Variants in DYNC2H1 observed in about 807,000 individuals in gnomAD.
DYNC2H1 encodes cytoplasmic dynein 2 heavy chain 1.
DYNC2H1 carries 410 observed loss-of-function variants against 570.0 expected under a neutral mutation model. The observed-to-expected ratio is 0.72, with a 90% CI of 0.66 to 0.78. The LOEUF is 0.78. Ranked by LOEUF, DYNC2H1 falls within the 30% of genes least tolerant of loss-of-function variation. The probability of loss-of-function intolerance (pLI) is 0.00; values close to 1 mark genes in which losing one functional copy is unlikely to be tolerated. For missense variants in DYNC2H1, 4,865 were observed against 5,046.4 expected, an observed-to-expected ratio of 0.96 and a Z score of 1.09; for synonymous variants, 1,688 against 1,677.6, an observed-to-expected ratio of 1.01 and a Z score of -0.15.
At chr11:103,390,907 T>A (rs1370582357) in intron 83 of DYNC2H1, among the ~76,000 whole-genome samples, 1 of 152,194 alleles carries the variant, frequency 6.6e-6, no homozygotes, top group African/African-American at 2.4e-5. Context: ...TAACCCGACC[T>A]TTCTCTCTGG....
At chr11:103,210,779 G>T (rs1485731959) in intron 53 of DYNC2H1, among the ~76,000 whole-genome samples, 4 of 151,940 alleles carry the variant, frequency 2.6e-5, no homozygotes, top group African/African-American at 4.8e-5. Context: ...TAGCCTAAAG[G>T]GCTGAAACAT....
At position 103,436,001 on chromosome 11, in the gene DYNC2H1, G is replaced by C; in HGVS notation, c.12425G>C (p.Arg4142Thr). 1 of 1,612,590 alleles carries C rather than the reference G, an allele frequency of 6.2e-7. No homozygotes were observed. Among genetic ancestry groups the C allele is most frequent in the East Asian group, 2.2e-5 (1 of 44,858 alleles). The change falls in exon 85 of 89, where the codon AGA becomes ACA. Residue 4142 changes from arginine (R) to threonine (T), a missense_variant. By Grantham distance (71) the Arg-to-Thr change is moderately conservative (BLOSUM62 -1). Coordinates refer to ENST00000375735, the MANE Select transcript of DYNC2H1 (RefSeq NM_001377.3). Reference protein sequence around the residue: ...EGPEDPLQYLRGLVARALAIQ... With the variant: ...EGPEDPLQYLTGLVARALAIQ... The stretch of plus-strand genomic sequence containing the variant: ...CCAGAAGATCCCTTACAATACCTGA[G>C]AGGTCTTGTTGCCCGTGCCCTTGCA...
intron 50 of DYNC2H1, among the ~76,000 whole-genome samples, chr11:103,202,857 C>T (rs1216750323): frequency 6.6e-6 from 1 of 152,114 alleles, no homozygotes. Flanking sequence ...ACAAGATGTG[C>T]TCCAGGCCCT....
chr11:103,172,129 A>G (rs191394856), intron 34 of DYNC2H1, among the ~76,000 whole-genome samples: 1 of 152,334 alleles, frequency 6.6e-6, no homozygotes, highest in Admixed American at 6.5e-5. Flanking sequence ...CTAAATTGTT[A>G]ACATGTTGTT....
chr11:103,336,119 A>T (rs1285648132), intron 82 of DYNC2H1, among the ~76,000 whole-genome samples: 1 of 152,182 alleles, frequency 6.6e-6, no homozygotes, highest in Non-Finnish European at 1.5e-5. Flanking sequence ...TGCTAGGCAA[A>T]AGTAATTGGC....
rs1938420745 is a variant in DYNC2H1, at chr11:103,325,400, G to T, written c.12039+1410G>T. On this transcript the variant is annotated intron_variant, in intron 82 of 88. Transcript: ENST00000375735. This position sits in a 1 kb window ranked among gnomAD's most constrained non-coding sequence, Gnocchi z 4.8. ...TTGATTTTTGTATATGGTGGAAGGA[G>T]TGGGTCTAGTTTCCATCTTCTTCAC... Among the ~76,000 whole-genome samples the T allele has an allele frequency of 1.3e-5, 2 of 152,162 alleles. No homozygotes were observed.
intron 82 of DYNC2H1, among the ~76,000 whole-genome samples, chr11:103,349,894 G>A (rs1230285580): frequency 1.3e-5 from 2 of 152,018 alleles, no homozygotes; most frequent in African/African-American, 2.4e-5. Flanking sequence ...TGTGTGACTG[G>A]CATAAATATA....
chr11:103,352,463 A>G (rs2135512498), intron 82 of DYNC2H1, among the ~76,000 whole-genome samples: 1 of 152,326 alleles, frequency 6.6e-6, no homozygotes, highest in East Asian at 1.9e-4. Flanking sequence ...AATTTTTATT[A>G]AAATTACTTA....
At position 103,135,517 on chromosome 11, in the gene DYNC2H1, A is replaced by G. The variant is rs1859489798; in HGVS notation, c.2228A>G (p.His743Arg). 1.9e-6 allele frequency: 3 copies of G among 1,577,032 alleles called. No individual in the cohort carries two copies. Among genetic ancestry groups the G allele is most frequent in the Non-Finnish European group, 2.6e-6 (3 of 1,163,396 alleles). ...TAGGGATTCCAAGCAAGTGACATGC[A>G]TGCATGGAAACAACACTGGAATCAT... ...EAQGFQASDM[H>R]AWKQHWNHQL... is the part of the protein sequence containing the mutation. The change falls in exon 16 of 89, where the codon CAT becomes CGT. Residue 743 changes from histidine to arginine, a missense_variant. Physicochemically the swap from His to Arg is conservative, Grantham distance 29. Transcript: ENST00000375735.
At chr11:103,475,346 T>C (rs1945518063) in intron 88 of DYNC2H1, among the ~76,000 whole-genome samples, 1 of 152,180 alleles carries the variant, frequency 6.6e-6, no homozygotes, top group South Asian at 2.1e-4. Flanking sequence ...TTAATAAAAT[T>C]TTAGTTTCAT....
At chr11:103,423,058 A>G (rs1411213374) in intron 84 of DYNC2H1, among the ~76,000 whole-genome samples, 4 of 80,768 alleles carry the variant, frequency 5.0e-5, no homozygotes, top group Admixed American at 1.2e-4. Context: ...AGACCGTTTT[A>G]TGAAAACGAG....
At chr11:103,414,824 A>G (rs1195091738) in intron 84 of DYNC2H1, among the ~76,000 whole-genome samples, 2 of 152,212 alleles carry the variant, frequency 1.3e-5, no homozygotes, top group African/African-American at 4.8e-5. Flanking sequence ...ACAACTTTCA[A>G]GAATGTGAAG....
intron 21 of DYNC2H1, among the ~76,000 whole-genome samples, chr11:103,152,579 T>C (rs1437114846): frequency 6.6e-6 from 1 of 152,194 alleles, no homozygotes; most frequent in African/African-American, 2.4e-5. Flanking sequence ...CTGAAACTCA[T>C]GTTTTCTTTA....
At position 103,287,558 on chromosome 11, in the gene DYNC2H1, C is replaced by T. The variant is rs1297881996; in HGVS notation, c.11048C>T (p.Pro3683Leu). 5.6e-6 allele frequency: 9 copies of T among 1,610,848 alleles called. No homozygotes were observed. The highest frequency in any genetic ancestry group is 2.2e-5 in the East Asian group (1 of 44,752). ...QQILVVQALR[P>L]DRLQSAMALF... ...ATTCTTGTAGTACAGGCGCTAAGAC[C>T]GGACAGATTGCAAAGTGCCATGGCT... The change falls in exon 75 of 89, where the codon CCG (proline) becomes CTG (leucine). Residue 3683 changes from proline to leucine, a missense_variant. This residue lies in a region of DYNC2H1 where 2,401 missense variants were observed against 2,454.6 expected (regional missense o/e 0.98). Coordinates refer to ENST00000375735, the MANE Select transcript of DYNC2H1 (RefSeq NM_001377.3).
chr11:103,465,988 G>A lies in DYNC2H1; in HGVS notation c.12649-2601G>A, dbSNP rs1945183077. ...GGCAAAGGGGTGCATATTAGGAGGA[G>A]AGGAATGTTTGACCATATTTTTCAC... On this transcript the variant is annotated intron_variant, in intron 87 of 88. Coordinates refer to ENST00000375735, the MANE Select transcript of DYNC2H1 (RefSeq NM_001377.3). This position sits in a 1 kb window ranked among gnomAD's most constrained non-coding sequence, Gnocchi z 4.9. Among the ~76,000 whole-genome samples, 1 of 152,188 alleles carries A rather than the reference G, an allele frequency of 6.6e-6. No homozygotes were observed. The highest frequency in any genetic ancestry group is 2.1e-4 in the South Asian group (1 of 4,830).
chr11:103,271,074 T>C (rs1865691896), intron 70 of DYNC2H1, among the ~76,000 whole-genome samples: 1 of 152,232 alleles, frequency 6.6e-6, no homozygotes. Flanking sequence ...AATTCAGATA[T>C]ATATTATGTT....
intron 35 of DYNC2H1, among the ~76,000 whole-genome samples, 199 bp from the exon 36 acceptor site, chr11:103,173,856 A>T (rs1184394922): frequency 6.6e-6 from 1 of 152,150 alleles, no homozygotes; most frequent in Non-Finnish European, 1.5e-5. Flanking sequence ...TAAAAGCTTT[A>T]TCCTACCCTT....
In DYNC2H1 at chr11:103,249,916, C is replaced by A. The variant is rs11225629; in HGVS notation, c.10043-3369C>A. Among the ~76,000 whole-genome samples, 5,794 of 152,040 alleles carry A rather than the reference C, an allele frequency of 0.038. 368 individuals are homozygous for A. The highest frequency in any genetic ancestry group is 0.13 in the African/African-American group (5,508 of 41,486). On this transcript the variant is annotated intron_variant, in intron 65 of 88. Coordinates refer to ENST00000375735, the MANE Select transcript of DYNC2H1 (RefSeq NM_001377.3). The surrounding 1 kb of genome is among the most constrained non-coding windows in gnomAD (Gnocchi z 4.6). Reference sequence around the variant, plus strand: ...TGCTCTTTCTGATCACACCCAATTCCCAGGAAAAGTACATTTTTCTTGAAT... The same window carrying A: ...TGCTCTTTCTGATCACACCCAATTCACAGGAAAAGTACATTTTTCTTGAAT...
At position 103,261,428 on chromosome 11, in the gene DYNC2H1, G is replaced by C. The variant is rs996905915; in HGVS notation, c.10695+1451G>C. 6.6e-6 allele frequency among the ~76,000 whole-genome samples: 1 copy of C among 152,144 alleles called. No individual in the cohort carries two copies. The highest frequency in any genetic ancestry group is 1.5e-5 in the Non-Finnish European group (1 of 68,042). ...AGACACCTCCCAGAAGGGGTCGACA[G>C]ACATCTCATATAGGAGCACTGCAGC... On this transcript the variant is annotated intron_variant, in intron 70 of 88. Coordinates refer to ENST00000375735, the MANE Select transcript of DYNC2H1 (RefSeq NM_001377.3). The surrounding 1 kb of genome is among the most constrained non-coding windows in gnomAD (Gnocchi z 4.8).
Sources: gnomAD v4.1 joint callset for allele counts (sites outside exome capture counted in the v4.1 genomes callset) on GRCh38, gnomAD v4.1.1 for gene constraint, gnomAD v4.1.1 regional missense constraint, Gnocchi (gnomAD v3.1) non-coding constraint, MANE v1.5 for transcripts, NCBI Gene and HGNC (gene_info 2026-07-23, HGNC 2026-07-21) for gene names.